Variants in SPAG16 observed in about 807,000 individuals in gnomAD.
The protein encoded by SPAG16 is sperm-associated antigen 16 protein.
SPAG16 carries 86 observed loss-of-function variants against 80.4 expected under a neutral mutation model. That is an observed-to-expected ratio of 1.07 (90% CI 0.90 to 1.28). The LOEUF (loss-of-function observed/expected upper bound fraction) is 1.28, where lower values mean the gene tolerates loss of function less well. SPAG16 is among the 50% of genes most tolerant of loss of function. SPAG16 has a pLI of 0.00. For missense variants in SPAG16, 870 were observed against 765.3 expected (o/e 1.14, Z -1.61); for synonymous variants, 294 against 265.9 (o/e 1.11, Z -1.03).
chr2:214,312,723 G>T (rs1448172300), intron 15 of SPAG16, among the ~76,000 whole-genome samples: 1 of 152,096 alleles, frequency 6.6e-6, no homozygotes, highest in East Asian at 1.9e-4. Flanking sequence ...TTTGGCTTTT[G>T]CAGGAGTCTA....
intron 10 of SPAG16, among the ~76,000 whole-genome samples, chr2:213,639,500 G>T (rs550029688): frequency 1.6e-4 from 25 of 152,224 alleles, no homozygotes; most frequent in African/African-American, 5.3e-4. Flanking sequence ...CTTCGTTTAT[G>T]AAACTTAGTT....
intron 11 of SPAG16, among the ~76,000 whole-genome samples, chr2:213,876,571 C>T (rs2076151538): frequency 6.6e-6 from 1 of 152,166 alleles, no homozygotes; most frequent in Admixed American, 6.6e-5. Flanking sequence ...GGCCAAATAT[C>T]TCAATGTCAA....
At chr2:213,741,482 A>C (rs2067551738) in intron 10 of SPAG16, among the ~76,000 whole-genome samples, 1 of 152,178 alleles carries the variant, frequency 6.6e-6, no homozygotes, top group African/African-American at 2.4e-5. Context: ...TGAAAGACTA[A>C]GGAAAAAAAA....
At chr2:213,467,462 G>A (rs1369638011) in intron 9 of SPAG16, among the ~76,000 whole-genome samples, 1 of 152,174 alleles carries the variant, frequency 6.6e-6, no homozygotes, top group Non-Finnish European at 1.5e-5. Flanking sequence ...AAAGGCACGA[G>A]TAAGCAAGAG....
chr2:213,633,763 A>G (rs1574576612), intron 10 of SPAG16, among the ~76,000 whole-genome samples: 1 of 152,136 alleles, frequency 6.6e-6, no homozygotes, highest in African/African-American at 2.4e-5. Context: ...TAACCCCTTT[A>G]TAATTATATG....
chr2:213,780,865 A>G (rs1204926944), intron 10 of SPAG16, among the ~76,000 whole-genome samples: 1 of 152,096 alleles, frequency 6.6e-6, no homozygotes, highest in Non-Finnish European at 1.5e-5. Context: ...TAGCACACAC[A>G]TAATAATAAA....
intron 13 of SPAG16, among the ~76,000 whole-genome samples, chr2:214,070,268 T>G (rs541971758): frequency 6.6e-6 from 1 of 152,152 alleles, no homozygotes; most frequent in East Asian, 1.9e-4. Context: ...TATTTCTTAT[T>G]TTTATATTTA....
At position 214,038,659 on chromosome 2, in the gene SPAG16, A is replaced by G. The variant is rs751265014; in HGVS notation, c.1527+24582A>G. ...TGCACCCAGTAACTGGTCATTTAAC[A>G]TTAGGTATATCTCCAAATGCTATCC... On this transcript the variant is annotated intron_variant, in intron 13 of 15. Coordinates refer to ENST00000331683, the MANE Select transcript of SPAG16 (RefSeq NM_024532.5). 1.1e-4 allele frequency among the ~76,000 whole-genome samples: 16 copies of G among 151,966 alleles called. 1 individual carries two copies. The highest frequency in any genetic ancestry group is 2.1e-4 in the Non-Finnish European group (14 of 67,990).
intron 10 of SPAG16, among the ~76,000 whole-genome samples, chr2:213,704,044 C>T (rs571618392): frequency 6.6e-6 from 1 of 152,306 alleles, no homozygotes; most frequent in Non-Finnish European, 1.5e-5. Flanking sequence ...GAGAGTGCCC[C>T]ATCCCCTTGT....
At chr2:214,046,200 T>C (rs1575962756) in intron 13 of SPAG16, among the ~76,000 whole-genome samples, 1 of 152,272 alleles carries the variant, frequency 6.6e-6, no homozygotes, top group Admixed American at 6.5e-5. Context: ...GAGATCATAG[T>C]TGTAATAAAA....
intron 3 of SPAG16, among the ~76,000 whole-genome samples, chr2:213,306,859 G>A (rs1339347703): frequency 3.3e-5 from 5 of 152,208 alleles, no homozygotes; most frequent in Non-Finnish European, 4.4e-5. Context: ...ACTCAAGACT[G>A]TCTTTTCTGC....
At chr2:213,344,384 CT>C (rs894934902) in intron 6 of SPAG16, among the ~76,000 whole-genome samples, 70 of 147,606 alleles carry the variant, frequency 4.7e-4, no homozygotes, top group Non-Finnish European at 8.6e-4. Context: ...GAGTTTTTTT[CT>C]TTTTTTTTTG....
intron 10 of SPAG16, among the ~76,000 whole-genome samples, chr2:213,802,698 C>T (rs531093518): frequency 5.9e-5 from 9 of 152,062 alleles, no homozygotes; most frequent in Admixed American, 2.0e-4. Flanking sequence ...AAAAAAGGAA[C>T]AAAGGTGTTA....
chr2:214,323,408 A>G (rs996816741), intron 15 of SPAG16, among the ~76,000 whole-genome samples: 1 of 152,088 alleles, frequency 6.6e-6, no homozygotes, highest in Non-Finnish European at 1.5e-5. Flanking sequence ...ATATAAAGGA[A>G]TATCCATATC....
intron 10 of SPAG16, among the ~76,000 whole-genome samples, chr2:213,706,916 T>TG (rs1183902448): frequency 2.0e-5 from 3 of 152,186 alleles, no homozygotes; most frequent in Non-Finnish European, 4.4e-5. Flanking sequence ...GATGACAAGT[T>TG]GTTTTTTTCT....
intron 15 of SPAG16, among the ~76,000 whole-genome samples, chr2:214,357,585 T>C (rs944275053): frequency 6.6e-6 from 1 of 152,012 alleles, no homozygotes; most frequent in African/African-American, 2.4e-5. Context: ...GACATTTGTA[T>C]AGTCTCTTGT....
At chr2:213,664,359 A>AT (rs2125194229) in intron 10 of SPAG16, among the ~76,000 whole-genome samples, 1 of 152,122 alleles carries the variant, frequency 6.6e-6, no homozygotes, top group African/African-American at 2.4e-5. Context: ...TGGGGACATT[A>AT]TTTTTTCTAC....
intron 13 of SPAG16, among the ~76,000 whole-genome samples, chr2:214,035,293 C>T (rs1008823997): frequency 6.6e-6 from 1 of 152,164 alleles, no homozygotes; most frequent in Non-Finnish European, 1.5e-5. Context: ...GCAGCCCGGC[C>T]CCCAGGCTTC....
chr2:214,373,617 C>T (rs985319249), intron 15 of SPAG16, among the ~76,000 whole-genome samples: 10 of 152,096 alleles, frequency 6.6e-5, no homozygotes, highest in South Asian at 2.1e-4. Context: ...ATCAGAACAA[C>T]GGCTCTTACT....
Sources: allele counts gnomAD v4.1 joint callset (sites outside exome capture counted in the v4.1 genomes callset), GRCh38; gene constraint gnomAD v4.1.1; transcripts MANE v1.5; gene names NCBI Gene and HGNC (gene_info 2026-07-23, HGNC 2026-07-21).